MYT1L: variants seen among roughly 807,000 people sequenced by gnomAD.
MYT1L encodes the protein myelin transcription factor 1-like protein.
A neutral mutation model predicts 126.7 loss-of-function variants in MYT1L; 12 were observed. That is an observed-to-expected ratio of 0.09 (90% CI 0.06 to 0.15). MYT1L has a LOEUF of 0.15. MYT1L is among the 10% of genes least tolerant of loss of function. MYT1L has a pLI of 1.00. For missense variants in MYT1L, 979 were observed against 1,585.2 expected, an observed-to-expected ratio of 0.62 and a Z score of 6.49; for synonymous variants, 541 against 604.2, an observed-to-expected ratio of 0.90 and a Z score of 1.53.
At chr2:2,056,338 T>G (rs1272382788) in intron 3 of MYT1L, among the ~76,000 whole-genome samples, 2 of 152,094 alleles carry the variant, frequency 1.3e-5, no homozygotes, top group African/African-American at 2.4e-5. Flanking sequence ...GGAGTTAGAG[T>G]AATTGCTGGA....
At chr2:2,000,582 C>G (rs561926212) in intron 4 of MYT1L, among the ~76,000 whole-genome samples, 1 of 152,096 alleles carries the variant, frequency 6.6e-6, no homozygotes, top group East Asian at 1.9e-4. Context: ...ATGCCTGCCC[C>G]GCTCCTCTGC....
At position 1,933,931 on chromosome 2, in the gene MYT1L, A is replaced by C. The variant is rs375288169; in HGVS notation, c.505+9051T>G. On this transcript the variant is annotated intron_variant, in intron 9 of 24. Coordinates refer to ENST00000647738, the MANE Select transcript of MYT1L (RefSeq NM_001303052.2). ...TTGCCATGTTGGCCAGCATGGATGC[A>C]GAGGTGGAAGTTCAGAGGGAGCTGG... 2.6e-4 allele frequency among the ~76,000 whole-genome samples: 39 copies of C among 151,632 alleles called. 1 individual carries two copies. The highest frequency in any genetic ancestry group is 2.3e-3 in the East Asian group (12 of 5,138).
At chr2:2,094,422 G>GTA (rs908676863) in intron 3 of MYT1L, among the ~76,000 whole-genome samples, 21 of 152,088 alleles carry the variant, frequency 1.4e-4, no homozygotes, top group African/African-American at 4.8e-4. Context: ...CCATTACTGG[G>GTA]TATATACCCA....
At chr2:2,200,347 C>T (rs986974611) in intron 2 of MYT1L, among the ~76,000 whole-genome samples, 6 of 152,152 alleles carry the variant, frequency 3.9e-5, no homozygotes, top group African/African-American at 7.2e-5. Context: ...AAGGTGTCAG[C>T]GAACTGCCTT....
intron 1 of MYT1L, among the ~76,000 whole-genome samples, chr2:2,295,609 CAGAGAGAGAGAGAG>C (rs1179841558): frequency 2.4e-3 from 19 of 7,952 alleles, no homozygotes; most frequent in Admixed American, 4.1e-3. Flanking sequence ...GAGAGACAGA[CAGAGAGAGAGAGAG>C]AGACAGACAG....
intron 8 of MYT1L, among the ~76,000 whole-genome samples, chr2:1,945,846 G>A (rs938091372): frequency 1.3e-5 from 2 of 152,118 alleles, no homozygotes; most frequent in Non-Finnish European, 2.9e-5. Flanking sequence ...ACTAATGATT[G>A]TCCTGTTTGT....
intron 11 of MYT1L, among the ~76,000 whole-genome samples, chr2:1,913,545 G>T (rs752000166): frequency 6.6e-6 from 1 of 152,092 alleles, no homozygotes; most frequent in African/African-American, 2.4e-5. Flanking sequence ...GCAGGATGTC[G>T]ATCTACCTAC....
intron 4 of MYT1L, among the ~76,000 whole-genome samples, chr2:2,045,753 G>A (rs182140768): frequency 1.2e-4 from 19 of 152,260 alleles, no homozygotes; most frequent in East Asian, 9.7e-4. Flanking sequence ...TTGCTCAGCT[G>A]GTGGAAGATT....
intron 9 of MYT1L, among the ~76,000 whole-genome samples, chr2:1,926,419 A>C (rs2054237921): frequency 6.6e-6 from 1 of 152,170 alleles, no homozygotes; most frequent in South Asian, 2.1e-4. Context: ...GAGGCTAATA[A>C]TGAAATTAGT....
At chr2:2,114,902 C>G (rs976066669) in intron 3 of MYT1L, among the ~76,000 whole-genome samples, 2 of 152,232 alleles carry the variant, frequency 1.3e-5, no homozygotes, top group Non-Finnish European at 2.9e-5. Flanking sequence ...CCTGGAAGCC[C>G]AGCCCCTTGC....
chr2:2,116,417 C>T (rs917926568), intron 3 of MYT1L, among the ~76,000 whole-genome samples: 6 of 152,218 alleles, frequency 3.9e-5, no homozygotes, highest in African/African-American at 1.2e-4. Flanking sequence ...AGATCTCAAT[C>T]ACAGTGATGA....
intron 23 of MYT1L, among the ~76,000 whole-genome samples, chr2:1,797,848 G>A (rs894574541): frequency 6.6e-6 from 1 of 150,382 alleles, no homozygotes; most frequent in African/African-American, 2.5e-5. Flanking sequence ...TCCTGCATCC[G>A]GCACAGGCGC....
chr2:2,126,039 T>A (rs72767392), intron 3 of MYT1L, among the ~76,000 whole-genome samples: 6,526 of 152,308 alleles, frequency 0.043, 210 homozygotes, highest in Non-Finnish European at 0.066. Context: ...TCGTGGGCCA[T>A]GGCTAACCCA....
intron 3 of MYT1L, among the ~76,000 whole-genome samples, chr2:2,122,872 T>TGTGTGTGAGAGAGA (rs553951630): frequency 9.8e-5 from 13 of 133,076 alleles, no homozygotes; most frequent in African/African-American, 3.3e-4. Context: ...TGTGTGTGTG[T>TGTGTGTGAGAGAGA]GAGAGAGAGA....
chr2:1,893,264 T>C (rs1390536676), intron 14 of MYT1L, among the ~76,000 whole-genome samples: 2 of 152,260 alleles, frequency 1.3e-5, no homozygotes, highest in African/African-American at 4.8e-5. Flanking sequence ...TTGTTATCCC[T>C]GCCAGTTAAT....
intron 2 of MYT1L, among the ~76,000 whole-genome samples, chr2:2,257,497 G>A (rs2149259884): frequency 6.6e-6 from 1 of 152,264 alleles, no homozygotes; most frequent in African/African-American, 2.4e-5. Flanking sequence ...TCAAGGAACA[G>A]AAAACCTTAC....
chr2:2,156,418 C>A (rs529384770), intron 3 of MYT1L, among the ~76,000 whole-genome samples: 1 of 152,220 alleles, frequency 6.6e-6, no homozygotes, highest in African/African-American at 2.4e-5. Context: ...TTAAAGTCAA[C>A]GTAGCTGCCA....
chr2:2,010,666 T>G (rs73190457), intron 4 of MYT1L, among the ~76,000 whole-genome samples: 9,950 of 152,170 alleles, frequency 0.065, 1,003 homozygotes, highest in African/African-American at 0.22. Context: ...TCCATGATCT[T>G]CTATGCAATG....
At chr2:1,982,810 C>A (rs1261009454) in intron 5 of MYT1L, among the ~76,000 whole-genome samples, 1 of 152,142 alleles carries the variant, frequency 6.6e-6, no homozygotes, top group Non-Finnish European at 1.5e-5. Flanking sequence ...TTACCCTTAT[C>A]CAGCATCTCG....
Sources: allele counts gnomAD v4.1 joint callset (sites outside exome capture counted in the v4.1 genomes callset), GRCh38; gene constraint gnomAD v4.1.1; transcripts MANE v1.5; gene names NCBI Gene and HGNC (gene_info 2026-07-23, HGNC 2026-07-21).